NET1: variants seen among roughly 807,000 people sequenced by gnomAD.
NET1 encodes neuroepithelial cell-transforming gene 1 protein.
Under a neutral mutation model 61.1 loss-of-function variants are expected in NET1, and 42 were observed. The ratio of observed to expected loss-of-function variants is 0.69; its 90% confidence interval spans 0.54 to 0.89. NET1 has a LOEUF of 0.89. NET1 is among the 40% of genes least tolerant of loss of function. The pLI, the probability that NET1 is intolerant of heterozygous loss-of-function variation, is 0.00. For synonymous variants in NET1, 254 were observed against 281.8 expected (o/e 0.90, Z 0.99); for missense variants, 654 against 747.3 (o/e 0.88, Z 1.46).
chr10:5,443,152 G>T lies in NET1; in HGVS notation c.256-8678G>T, dbSNP rs1832552318. Among the ~76,000 whole-genome samples the T allele has an allele frequency of 1.3e-5, 2 of 152,152 alleles. No individual in the cohort carries two copies. Among genetic ancestry groups the T allele is most frequent in the Admixed American group, 6.5e-5 (1 of 15,276 alleles). ...GAGCACCTAGTGTGTCTCAGAACATGTGCTAAAGGTTTTATATGGGTTATC... is the reference window on the plus strand; with the variant it reads ...GAGCACCTAGTGTGTCTCAGAACATTTGCTAAAGGTTTTATATGGGTTATC... On this transcript the variant is annotated intron_variant, in intron 3 of 11. Transcript: ENST00000355029. This position sits in a 1 kb window ranked among gnomAD's most constrained non-coding sequence, Gnocchi z 4.8.
chr10:5,456,918 A>G lies in NET1; in HGVS notation c.1715A>G (p.His572Arg). ...MAEDSKSLKT[H>R]QTQPGIRRAR... is the part of the protein sequence containing the mutation. ...GAGGACAGCAAGAGCTTAAAGACACACCAGACACAGCCCGGCATCCGAAGA... is the reference window on the plus strand; with the variant it reads ...GAGGACAGCAAGAGCTTAAAGACACGCCAGACACAGCCCGGCATCCGAAGA... The change falls in exon 12 of 12, where the codon CAC (histidine) becomes CGC (arginine). Residue 572 changes from histidine to arginine, a missense_variant. Physicochemically the swap from His to Arg is conservative, Grantham distance 29. Coordinates refer to ENST00000355029, the MANE Select transcript of NET1 (RefSeq NM_001047160.3). The surrounding 1 kb of genome is among the most constrained non-coding windows in gnomAD (Gnocchi z 7.0). 5 of 1,611,872 alleles carry G rather than the reference A, an allele frequency of 3.1e-6. No homozygotes were observed. The highest frequency in any genetic ancestry group is 4.2e-6 in the Non-Finnish European group (5 of 1,178,982).
chr10:5,440,814 T>G lies in NET1; in HGVS notation c.256-11016T>G, dbSNP rs1588433524. Among the ~76,000 whole-genome samples, 1 of 152,324 alleles carries G rather than the reference T, an allele frequency of 6.6e-6. No individual in the cohort carries two copies. The highest frequency in any genetic ancestry group is 1.5e-5 in the Non-Finnish European group (1 of 68,034). On this transcript the variant is annotated intron_variant, in intron 3 of 11. Transcript: ENST00000355029. This position sits in a 1 kb window ranked among gnomAD's most constrained non-coding sequence, Gnocchi z 4.1. Reference sequence around the variant, plus strand: ...CACCACTACTATGTAAGGCATTGCCTCACTACTCTGTGTCTCATCCCTATT... The same window carrying G: ...CACCACTACTATGTAAGGCATTGCCGCACTACTCTGTGTCTCATCCCTATT...
chr10:5,422,078 C>T lies in NET1; in HGVS notation c.129-4577C>T, dbSNP rs1003381309. Among the ~76,000 whole-genome samples, 2 of 152,070 alleles carry T rather than the reference C, an allele frequency of 1.3e-5. No homozygotes were observed. Among genetic ancestry groups the T allele is most frequent in the African/African-American group, 2.4e-5 (1 of 41,384 alleles). ...TTAGTGTAGGCTGGGCGCGGTGGCT[C>T]ACGCCTATAATCCCAGCACTTTGGG... On this transcript the variant is annotated intron_variant, in intron 1 of 11. Coordinates refer to ENST00000355029, the MANE Select transcript of NET1 (RefSeq NM_001047160.3). The surrounding 1 kb of genome is among the most constrained non-coding windows in gnomAD (Gnocchi z 4.1).
rs1220555533 is a variant in NET1, at chr10:5,444,046, T to C, written c.256-7784T>C. On this transcript the variant is annotated intron_variant, in intron 3 of 11. Transcript: ENST00000355029. The surrounding 1 kb of genome is among the most constrained non-coding windows in gnomAD (Gnocchi z 5.3). Reference sequence around the variant, plus strand: ...TGGGGTCTAGCCTAGGCTGTTCATATTAGCTCTGAGAATGTAGGTAGATCA... The same window carrying C: ...TGGGGTCTAGCCTAGGCTGTTCATACTAGCTCTGAGAATGTAGGTAGATCA... Among the ~76,000 whole-genome samples, 1 of 152,242 alleles carries C rather than the reference T, an allele frequency of 6.6e-6. No homozygotes were observed. The highest frequency in any genetic ancestry group is 1.5e-5 in the Non-Finnish European group (1 of 68,036).
At position 5,420,738 on chromosome 10, in the gene NET1, G is replaced by A. The variant is rs1377522897; in HGVS notation, c.129-5917G>A. 6.6e-6 allele frequency among the ~76,000 whole-genome samples: 1 copy of A among 152,112 alleles called. No homozygotes were observed. Among genetic ancestry groups the A allele is most frequent in the Admixed American group, 6.5e-5 (1 of 15,280 alleles). ...AGCCTCCCGAGTAACTGGGATTACAGGCAAGCGCCACCACGCCCAGCTAAT... is the reference window on the plus strand; with the variant it reads ...AGCCTCCCGAGTAACTGGGATTACAAGCAAGCGCCACCACGCCCAGCTAAT... On this transcript the variant is annotated intron_variant, in intron 1 of 11. Transcript: ENST00000355029. The surrounding 1 kb of genome is among the most constrained non-coding windows in gnomAD (Gnocchi z 5.3).
rs1832416692 is a variant in NET1, at chr10:5,435,534, CAGACAGACAGATAGATAGAT to C, written c.255+6309_255+6328del. Among the ~76,000 whole-genome samples the C allele has an allele frequency of 1.5e-3, 9 of 5,928 alleles. No individual in the cohort carries two copies. Among genetic ancestry groups the C allele is most frequent in the African/African-American group, 2.4e-4 (1 of 4,148 alleles). The allele number at this position is 5,928 out of a possible 152,430, so 3.9% of individuals were successfully genotyped here. On this transcript the variant is annotated intron_variant, in intron 3 of 11. Transcript: ENST00000355029. This position sits in a 1 kb window ranked among gnomAD's most constrained non-coding sequence, Gnocchi z 5.0. ...ATAGATAGATAGATAGATAGATAGA[CAGACAGACAGATAGATAGAT>C]AGATAGATAAAATAGATACTCCGTA...
At chr10:5,413,395 T>C (rs1832033619) in intron 1 of NET1, among the ~76,000 whole-genome samples, 1 of 152,178 alleles carries the variant, frequency 6.6e-6, no homozygotes, top group African/African-American at 2.4e-5. Context: ...TATTAGAGAG[T>C]TCATCACAAC....
chr10:5,414,935 G>A (rs1832054056), intron 1 of NET1, among the ~76,000 whole-genome samples: 1 of 152,196 alleles, frequency 6.6e-6, no homozygotes, highest in African/African-American at 2.4e-5. Context: ...ATGATACATT[G>A]TGAGAAAAGC....
rs1371490869 is a variant in NET1, at chr10:5,458,742, T to C, written c.*1748T>C. On this transcript the variant is annotated 3_prime_UTR_variant, in exon 12 of 12. Coordinates refer to ENST00000355029, the MANE Select transcript of NET1 (RefSeq NM_001047160.3). The surrounding 1 kb of genome is among the most constrained non-coding windows in gnomAD (Gnocchi z 4.5). ...GGTAGTAGTGGCAAAGGATCCTGAT[T>C]AATTTCAGATTTTAATGTAAGTACC... Among the ~76,000 whole-genome samples the C allele has an allele frequency of 2.6e-5, 4 of 152,220 alleles. No homozygotes were observed. Among genetic ancestry groups the C allele is most frequent in the Non-Finnish European group, 5.9e-5 (4 of 68,032 alleles).
At position 5,422,208 on chromosome 10, in the gene NET1, G is replaced by A. The variant is rs948066935; in HGVS notation, c.129-4447G>A. Reference sequence around the variant, plus strand: ...AAAATTTAGCTGGGCATGGTGGCGTGCCCCTGTAATCCTAGCTACTCGGGA... The same window carrying A: ...AAAATTTAGCTGGGCATGGTGGCGTACCCCTGTAATCCTAGCTACTCGGGA... On this transcript the variant is annotated intron_variant, in intron 1 of 11. Transcript: ENST00000355029. The surrounding 1 kb of genome is among the most constrained non-coding windows in gnomAD (Gnocchi z 4.1). Among the ~76,000 whole-genome samples the A allele has an allele frequency of 3.9e-5, 6 of 152,090 alleles. No homozygotes were observed. The highest frequency in any genetic ancestry group is 7.4e-5 in the Non-Finnish European group (5 of 68,024).
In NET1 at chr10:5,446,659, G is replaced by C; in HGVS notation, c.256-5171G>C. ...GAGGCATGGGCACGTGGCTGCCGAG[G>C]GTGGCCGAGCTCTGGGAAGAAAAGC... is the stretch of plus-strand genomic sequence containing the variant. On this transcript the variant is annotated intron_variant, in intron 3 of 11. Transcript: ENST00000355029. This position sits in a 1 kb window ranked among gnomAD's most constrained non-coding sequence, Gnocchi z 5.0. 7.6e-7 allele frequency: 1 copy of C among 1,323,242 alleles called. No homozygotes were observed. The highest frequency in any genetic ancestry group is 2.5e-5 in the South Asian group (1 of 40,642). The allele number at this position is 1,323,242 out of a possible 1,614,324, so 82.0% of individuals were successfully genotyped here.
chr10:5,453,639 A>T lies in NET1; in HGVS notation c.768+79A>T. The T allele has an allele frequency of 8.2e-7, 1 of 1,220,360 alleles. No individual in the cohort carries two copies. The allele number at this position is 1,220,360 out of a possible 1,614,324, so 75.6% of individuals were successfully genotyped here. On this transcript the variant is annotated intron_variant, in intron 8 of 11. Coordinates refer to ENST00000355029, the MANE Select transcript of NET1 (RefSeq NM_001047160.3). The surrounding 1 kb of genome is among the most constrained non-coding windows in gnomAD (Gnocchi z 4.9). ...GCAGTTTCTGATGAATATGAGACAGATTTGATCCCACAACTCTGTTCTACA... is the reference window on the plus strand; with the variant it reads ...GCAGTTTCTGATGAATATGAGACAGTTTTGATCCCACAACTCTGTTCTACA...
intron 1 of NET1, among the ~76,000 whole-genome samples, chr10:5,419,705 T>TG (rs1491166649): frequency 2.8e-4 from 25 of 88,848 alleles, no homozygotes; most frequent in Admixed American, 1.2e-3. Flanking sequence ...TTTTTCTTTG[T>TG]TTTGTTGTTG....
At position 5,441,089 on chromosome 10, in the gene NET1, C is replaced by G. The variant is rs986339004; in HGVS notation, c.256-10741C>G. Among the ~76,000 whole-genome samples, 1 of 152,184 alleles carries G rather than the reference C, an allele frequency of 6.6e-6. No individual in the cohort carries two copies. The highest frequency in any genetic ancestry group is 2.1e-4 in the South Asian group (1 of 4,832). ...CTAATTAAGCTGTCACTACTGTGGG[C>G]AGTGGGGTAGATCTCTCTGGAACCC... is the stretch of plus-strand genomic sequence containing the variant. On this transcript the variant is annotated intron_variant, in intron 3 of 11. Coordinates refer to ENST00000355029, the MANE Select transcript of NET1 (RefSeq NM_001047160.3). The surrounding 1 kb of genome is among the most constrained non-coding windows in gnomAD (Gnocchi z 4.6).
chr10:5,446,501 G>A lies in NET1; in HGVS notation c.256-5329G>A. 1 of 1,014,894 alleles carries A rather than the reference G, an allele frequency of 9.9e-7. No individual in the cohort carries two copies. 62.9% of individuals were successfully genotyped at this position (1,014,894 alleles called of 1,614,324 possible). A position where few individuals can be genotyped will look rare whatever the true frequency, so the allele number is the denominator to read the frequency against. On this transcript the variant is annotated intron_variant, in intron 3 of 11. Transcript: ENST00000355029. The surrounding 1 kb of genome is among the most constrained non-coding windows in gnomAD (Gnocchi z 5.0). ...AAGCTGAGAGGCCTAGGTGTGCCCA[G>A]CTCTCAGTTAACTGAAGTCACGTGG...
rs1163024484 is a variant in NET1 at position 5,446,794 on chromosome 10, TCCTA to T, written c.256-5031_256-5028del. The T allele has an allele frequency of 1.2e-6, 2 of 1,610,968 alleles. No homozygotes were observed. Among genetic ancestry groups the T allele is most frequent in the East Asian group, 2.2e-5 (1 of 44,834 alleles). ...GTGGCACATGATGAGACTGGAGGTC[TCCTA>T]CCTATTAAAAGGACCATACGAGTCC... On this transcript the variant is annotated intron_variant, in intron 3 of 11. Coordinates refer to ENST00000355029, the MANE Select transcript of NET1 (RefSeq NM_001047160.3). The surrounding 1 kb of genome is among the most constrained non-coding windows in gnomAD (Gnocchi z 5.0).
In NET1 at chr10:5,417,502, C is replaced by T. The variant is rs996196875; in HGVS notation, c.128+4682C>T. On this transcript the variant is annotated intron_variant, in intron 1 of 11. Transcript: ENST00000355029. This position sits in a 1 kb window ranked among gnomAD's most constrained non-coding sequence, Gnocchi z 5.5. ...AATTTCAATTGTATAGGAATACATA[C>T]AATTGATTTTTGTATATCGATCTTG... is the stretch of plus-strand genomic sequence containing the variant. Among the ~76,000 whole-genome samples, 1 of 152,170 alleles carries T rather than the reference C, an allele frequency of 6.6e-6. No homozygotes were observed. Among genetic ancestry groups the T allele is most frequent in the Admixed American group, 6.5e-5 (1 of 15,274 alleles).
In NET1 at chr10:5,431,115, C is replaced by T. The variant is rs1832343347; in HGVS notation, c.255+1886C>T. Among the ~76,000 whole-genome samples, 2 of 152,190 alleles carry T rather than the reference C, an allele frequency of 1.3e-5. No homozygotes were observed. The highest frequency in any genetic ancestry group is 4.2e-4 in the South Asian group (2 of 4,808). On this transcript the variant is annotated intron_variant, in intron 3 of 11. Coordinates refer to ENST00000355029, the MANE Select transcript of NET1 (RefSeq NM_001047160.3). This position sits in a 1 kb window ranked among gnomAD's most constrained non-coding sequence, Gnocchi z 4.9. ...CTCGATCTCCTGACCTCGTGATCCG[C>T]CTGCCTCGGCCTCCCAAAGTGCTGG...
Position 5,456,863 on chromosome 10 carries a change from T to TA in NET1, c.1661dup (p.Tyr554Ter), listed in dbSNP as rs1832810701. The TA allele has an allele frequency of 3.1e-6, 5 of 1,614,110 alleles. No homozygotes were observed. The highest frequency in any genetic ancestry group is 4.2e-6 in the Non-Finnish European group (5 of 1,180,010). The change falls in exon 12 of 12, where the codon TAC (tyrosine) becomes TAAC (stop). Residue 554 changes from tyrosine to a stop codon, truncating the protein, a stop_gained and frameshift_variant. Transcript: ENST00000355029. LOFTEE classifies it low-confidence loss of function (END_TRUNC). The surrounding 1 kb of genome is among the most constrained non-coding windows in gnomAD (Gnocchi z 7.0). ...VTQVEVDENA[Y>*]RCGSGMQMAE... ...TCAGGTAGAAGTTGATGAAAACGCTTACAGATGTGGCTCTGGCATGCAGAT... is the reference window on the plus strand; with the variant it reads ...TCAGGTAGAAGTTGATGAAAACGCTTAACAGATGTGGCTCTGGCATGCAGAT...
Sources: gnomAD v4.1 joint callset for allele counts (sites outside exome capture counted in the v4.1 genomes callset) on GRCh38, gnomAD v4.1.1 for gene constraint, Gnocchi (gnomAD v3.1) non-coding constraint, MANE v1.5 for transcripts, NCBI Gene and HGNC (gene_info 2026-07-23, HGNC 2026-07-21) for gene names.